The following DPY19L4 variants were observed in gnomAD, a reference collection of about 807,000 sequenced individuals.
DPY19L4 encodes probable C-mannosyltransferase DPY19L4.
Under a neutral mutation model 102.8 loss-of-function variants are expected in DPY19L4, and 97 were observed. The observed-to-expected ratio is 0.94, with a 90% CI of 0.80 to 1.12. The LOEUF (loss-of-function observed/expected upper bound fraction) is 1.12, where lower values mean the gene tolerates loss of function less well. Ranked by LOEUF, DPY19L4 falls within the 50% of genes most tolerant of loss-of-function variation. The pLI, the probability that DPY19L4 is intolerant of heterozygous loss-of-function variation, is 0.00. For synonymous variants in DPY19L4, 252 were observed against 283.1 expected (o/e 0.89, Z 1.10); for missense variants, 815 against 850.4 (o/e 0.96, Z 0.52).
Position 94,765,328 on chromosome 8 carries a change from T to C in DPY19L4, c.1002+14T>C. The C allele has an allele frequency of 6.3e-7, 1 of 1,586,074 alleles. No homozygotes were observed. The highest frequency in any genetic ancestry group is 8.5e-7 in the Non-Finnish European group (1 of 1,172,798). Reference sequence around the variant, plus strand: ...AAGTGCCTTCAGGTAACTAGAATTATCTTTTTATTGTTCTTATTTTGATTT... The same window carrying C: ...AAGTGCCTTCAGGTAACTAGAATTACCTTTTTATTGTTCTTATTTTGATTT... On this transcript the variant is annotated intron_variant, in intron 9 of 18. Coordinates refer to ENST00000414645, the MANE Select transcript of DPY19L4 (RefSeq NM_181787.3).
At chr8:94,760,154 T>A (rs1031260499) in intron 7 of DPY19L4, among the ~76,000 whole-genome samples, 2 of 152,198 alleles carry the variant, frequency 1.3e-5, no homozygotes, top group African/African-American at 4.8e-5. Flanking sequence ...TTTAAGACAT[T>A]TTTACTGTAT....
At chr8:94,735,789 T>C (rs372985516) in intron 3 of DPY19L4, among the ~76,000 whole-genome samples, 19 of 152,262 alleles carry the variant, frequency 1.2e-4, no homozygotes, top group African/African-American at 4.3e-4. Flanking sequence ...CACTTTAAAA[T>C]CCGAATCTAC....
At chr8:94,728,506 G>C (rs1209590797) in intron 2 of DPY19L4, among the ~76,000 whole-genome samples, 1 of 152,196 alleles carries the variant, frequency 6.6e-6, no homozygotes, top group Non-Finnish European at 1.5e-5. Context: ...AGCTTTCTCA[G>C]ATTGCTTGCT....
intron 8 of DPY19L4, 152 bp from the exon 9 acceptor site, chr8:94,765,031 A>T: frequency 1.6e-6 from 1 of 637,984 alleles, no homozygotes; most frequent in Non-Finnish European, 2.4e-6. Context: ...CCCGGCCAAC[A>T]TTAAAAATAT....
In DPY19L4 at chr8:94,790,540, T is replaced by C. The variant is rs1325968292; in HGVS notation, c.*630T>C. 6.6e-6 allele frequency: 1 copy of C among 152,414 alleles called. No homozygotes were observed. The highest frequency in any genetic ancestry group is 1.5e-5 in the Non-Finnish European group (1 of 67,962). The allele number at this position is 152,414 out of a possible 1,614,324, so 9.4% of individuals were successfully genotyped here. On this transcript the variant is annotated 3_prime_UTR_variant, in exon 19 of 19. Coordinates refer to ENST00000414645, the MANE Select transcript of DPY19L4 (RefSeq NM_181787.3). ...TGTTAAGTGAGAACTTTCTTAGTAA[T>C]ACATAATGCATGATGTTACTGCATT...
chr8:94,780,518 C>A, intron 15 of DPY19L4, 103 bp downstream of exon 15: 1 of 722,618 alleles, frequency 1.4e-6, no homozygotes, highest in South Asian at 4.7e-5. Context: ...ACTATCCTAA[C>A]AAAATAAAAT....
At chr8:94,759,500 C>CTTTTTTTTTTTTTTTTTTTTTTTTTTT in intron 7 of DPY19L4, among the ~76,000 whole-genome samples, 1 of 67,562 alleles carries the variant, frequency 1.5e-5, no homozygotes. Flanking sequence ...TCTACATGTT[C>CTTTTTTTTTTTTTTTTTTTTTTTTTTT]TTTTTTTTTT....
intron 1 of DPY19L4, among the ~76,000 whole-genome samples, chr8:94,720,968 C>T (rs1358920506): frequency 1.6e-4 from 24 of 148,216 alleles, no homozygotes; most frequent in Non-Finnish European, 3.0e-4. Flanking sequence ...TTTTTTGAAA[C>T]GGAGTTTCGT....
At chr8:94,754,451 G>A (rs1255537214) in intron 6 of DPY19L4, among the ~76,000 whole-genome samples, 1 of 152,130 alleles carries the variant, frequency 6.6e-6, no homozygotes, top group Non-Finnish European at 1.5e-5. Flanking sequence ...AAACAATTCA[G>A]TAGTTCCTGA....
intron 1 of DPY19L4, among the ~76,000 whole-genome samples, chr8:94,724,515 C>A (rs565480463): frequency 1.3e-3 from 200 of 152,234 alleles, no homozygotes; most frequent in Non-Finnish European, 1.9e-3. Context: ...TACTAATTGA[C>A]CTAGATTTAT....
chr8:94,737,633 A>T (rs1195360281), intron 3 of DPY19L4, among the ~76,000 whole-genome samples: 2 of 151,824 alleles, frequency 1.3e-5, no homozygotes, highest in Non-Finnish European at 2.9e-5. Context: ...AACACAAAAA[A>T]TTAGCCGGGC....
chr8:94,723,342 G>T (rs1259809010), intron 1 of DPY19L4, among the ~76,000 whole-genome samples: 1 of 152,028 alleles, frequency 6.6e-6, no homozygotes, highest in Non-Finnish European at 1.5e-5. Flanking sequence ...GCGTAGTGGC[G>T]GATGCCTGTA....
At chr8:94,750,627 T>C (rs930205259) in intron 6 of DPY19L4, among the ~76,000 whole-genome samples, 10 of 152,122 alleles carry the variant, frequency 6.6e-5, no homozygotes, top group Non-Finnish European at 7.4e-5. Flanking sequence ...AATAACTATT[T>C]TAATGCTTTT....
At chr8:94,725,395 C>T (rs908972637) in intron 1 of DPY19L4, among the ~76,000 whole-genome samples, 1 of 152,134 alleles carries the variant, frequency 6.6e-6, no homozygotes, top group African/African-American at 2.4e-5. Context: ...GTTTAGTTTA[C>T]TAGTTTGGAG....
intron 6 of DPY19L4, among the ~76,000 whole-genome samples, chr8:94,751,268 G>A (rs896128648): frequency 1.3e-5 from 2 of 150,206 alleles, no homozygotes; most frequent in African/African-American, 2.4e-5. Context: ...ACAGGCGCCC[G>A]CCACCGCGCC....
rs1813868944 is a variant in DPY19L4, at chr8:94,791,109, G to A, written c.*1199G>A. The A allele has an allele frequency of 6.6e-6, 1 of 152,110 alleles. No individual in the cohort carries two copies. Among genetic ancestry groups the A allele is most frequent in the Admixed American group, 6.5e-5 (1 of 15,268 alleles). 9.4% of individuals were successfully genotyped at this position (152,110 alleles called of 1,614,324 possible). ...GTCATTTTAATAAGTTGGGATACAT[G>A]TTTAGTTTTTCCTTATATTCCTGTT... On this transcript the variant is annotated 3_prime_UTR_variant, in exon 19 of 19. Coordinates refer to ENST00000414645, the MANE Select transcript of DPY19L4 (RefSeq NM_181787.3).
At position 94,730,873 on chromosome 8, in the gene DPY19L4, G is replaced by A. The variant is rs1431090912; in HGVS notation, c.128-3757G>A. On this transcript the variant is annotated intron_variant, in intron 2 of 18. Coordinates refer to ENST00000414645, the MANE Select transcript of DPY19L4 (RefSeq NM_181787.3). ...GGATTCTCCTGCCTCAGCCTCCCGAGTAGCTGGGATTACAGGCATGCACCA... is the reference window on the plus strand; with the variant it reads ...GGATTCTCCTGCCTCAGCCTCCCGAATAGCTGGGATTACAGGCATGCACCA... 3.4e-5 allele frequency among the ~76,000 whole-genome samples: 5 copies of A among 148,932 alleles called. No homozygotes were observed. The East Asian group carries it at 8.1e-4, about 24-fold the overall frequency.
chr8:94,752,533 C>T (rs2130854007), intron 6 of DPY19L4, among the ~76,000 whole-genome samples: 1 of 142,226 alleles, frequency 7.0e-6, no homozygotes, highest in South Asian at 2.3e-4. Context: ...TTGCAGTGAG[C>T]CGAGATTGTG....
chr8:94,781,624 C>T (rs1427984696), intron 16 of DPY19L4, among the ~76,000 whole-genome samples: 1 of 152,134 alleles, frequency 6.6e-6, no homozygotes, highest in African/African-American at 2.4e-5. Context: ...ATGTGTAACT[C>T]AGGGACCCTC....
Sources: gnomAD v4.1 joint callset for allele counts (sites outside exome capture counted in the v4.1 genomes callset) on GRCh38, gnomAD v4.1.1 for gene constraint, MANE v1.5 for transcripts, NCBI Gene and HGNC (gene_info 2026-07-23, HGNC 2026-07-21) for gene names.